SLC30A5: variants seen among roughly 807,000 people sequenced by gnomAD.
SLC30A5 encodes solute carrier family 30 member 5.
Under a neutral mutation model 79.6 loss-of-function variants are expected in SLC30A5, and 33 were observed. The observed-to-expected ratio is 0.41, with a 90% CI of 0.31 to 0.55. The LOEUF (loss-of-function observed/expected upper bound fraction) is 0.55, where lower values mean the gene tolerates loss of function less well. SLC30A5 is among the 20% of genes least tolerant of loss of function. The pLI, the probability that SLC30A5 is intolerant of heterozygous loss-of-function variation, is 0.20. For synonymous variants in SLC30A5, 299 were observed against 319.7 expected (o/e 0.94, Z 0.69); for missense variants, 788 against 928.1 (o/e 0.85, Z 1.96).
intron 7 of SLC30A5, among the ~76,000 whole-genome samples, chr5:69,114,823 C>T (rs1746320195): frequency 6.6e-6 from 1 of 152,104 alleles, no homozygotes; most frequent in African/African-American, 2.4e-5. Flanking sequence ...CAAGGTCGCG[C>T]TATTGCACTC....
At chr5:69,097,407 G>A (rs1745777993) in intron 1 of SLC30A5, among the ~76,000 whole-genome samples, 1 of 152,110 alleles carries the variant, frequency 6.6e-6, no homozygotes, top group Non-Finnish European at 1.5e-5. Flanking sequence ...GAGCCACTGC[G>A]CCCTGCTCTT....
Position 69,125,870 on chromosome 5 carries a change from CAAAAAAAA to C in SLC30A5, c.1999-2115_1999-2108del, listed in dbSNP as rs532994254. 3.3e-3 allele frequency among the ~76,000 whole-genome samples: 177 copies of C among 54,202 alleles called. 1 individual carries two copies. The highest frequency in any genetic ancestry group is 0.015 in the African/African-American group (166 of 11,330). 35.6% of individuals were successfully genotyped at this position (54,202 alleles called of 152,430 possible). On this transcript the variant is annotated intron_variant, in intron 14 of 15. Transcript: ENST00000396591. ...CGGGCCACAGAGCGAGACTCCGTCT[CAAAAAAAA>C]AAAAAAAAAAAAAAAAAATTAGCTG...
At position 69,104,130 on chromosome 5, in the gene SLC30A5, T is replaced by C. The variant is rs576969198; in HGVS notation, c.274-501T>C. On this transcript the variant is annotated intron_variant, in intron 3 of 15. Transcript: ENST00000396591. ...ATAGATAATGGAAAACAGAATACTG[T>C]CCTTTTTTTTTTTCTTTCTTTTTTT... 2.6e-3 allele frequency: 3,592 copies of C among 1,384,382 alleles called. 8 individuals are homozygous for C. Among genetic ancestry groups the C allele is most frequent in the Non-Finnish European group, 2.8e-3 (2,937 of 1,046,776 alleles). 85.8% of individuals were successfully genotyped at this position (1,384,382 alleles called of 1,614,324 possible). A position where few individuals can be genotyped will look rare whatever the true frequency, so the allele number is the denominator to read the frequency against.
intron 14 of SLC30A5, among the ~76,000 whole-genome samples, chr5:69,126,606 C>CA (rs1422332911): frequency 6.6e-6 from 1 of 151,774 alleles, no homozygotes; most frequent in Non-Finnish European, 1.5e-5. Flanking sequence ...ACTAAAACTA[C>CA]AAAAAATACA....
intron 1 of SLC30A5, among the ~76,000 whole-genome samples, chr5:69,096,372 C>G (rs1745731063): frequency 6.6e-6 from 1 of 152,104 alleles, no homozygotes; most frequent in East Asian, 1.9e-4. Context: ...GCTGTTTATT[C>G]AAGAGTGTAA....
In SLC30A5 at chr5:69,116,822, T is replaced by C. The variant is rs1269978353; in HGVS notation, c.1281+220T>C. 6.6e-6 allele frequency among the ~76,000 whole-genome samples: 1 copy of C among 152,186 alleles called. No individual in the cohort carries two copies. The highest frequency in any genetic ancestry group is 1.5e-5 in the Non-Finnish European group (1 of 68,024). The stretch of plus-strand genomic sequence containing the variant: ...TGCCCAGCCACTTAAGCAAACAATT[T>C]GTGAGGCATTTTAGAAGCATTGATT... On this transcript the variant is annotated intron_variant, in intron 10 of 15. Transcript: ENST00000396591. This position sits in a 1 kb window ranked among gnomAD's most constrained non-coding sequence, Gnocchi z 4.0.
chr5:69,115,456 A>G, intron 8 of SLC30A5, 49 bp downstream of exon 8: 1 of 1,447,464 alleles, frequency 6.9e-7, no homozygotes, highest in South Asian at 1.3e-5. Context: ...AGTAAAATGA[A>G]TTGCTATTAA....
chr5:69,126,810 A>ATAT (rs1554054424), intron 14 of SLC30A5, among the ~76,000 whole-genome samples: 80 of 148,900 alleles, frequency 5.4e-4, no homozygotes, highest in East Asian at 1.8e-3. Context: ...ACAACAACAA[A>ATAT]ATATATATAT....
chr5:69,100,695 G>A (rs1387565048), intron 1 of SLC30A5, 112 bp from the exon 2 acceptor site: 5 of 812,372 alleles, frequency 6.2e-6, no homozygotes, highest in Non-Finnish European at 1.9e-6. Context: ...TTCATTTTGT[G>A]TTTATGTATA....
chr5:69,125,638 A>G (rs1432740077), intron 14 of SLC30A5, among the ~76,000 whole-genome samples: 2 of 151,814 alleles, frequency 1.3e-5, no homozygotes, highest in East Asian at 3.9e-4. Flanking sequence ...GATTGAGACC[A>G]TCCTGGCTAA....
chr5:69,122,023 A>AAG (rs1424807613), intron 13 of SLC30A5, 128 bp downstream of exon 13: 2 of 661,700 alleles, frequency 3.0e-6, no homozygotes, highest in East Asian at 5.6e-5. Flanking sequence ...GACTAAAAGA[A>AAG]AGGTCTGAAG....
intron 13 of SLC30A5, 128 bp from the exon 14 acceptor site, chr5:69,123,071 T>G: frequency 1.7e-6 from 1 of 585,716 alleles, no homozygotes; most frequent in Non-Finnish European, 2.9e-6. Flanking sequence ...GTTTTAGGCA[T>G]TTTGAAGTAC....
Position 69,104,687 on chromosome 5 carries a change from T to C in SLC30A5, c.330T>C (p.Phe110=). Residue 110 remains phenylalanine (F), a synonymous_variant, in exon 4 of 16, where the codon TTT becomes TTC. Transcript: ENST00000396591. ...VAGCIISLLW[F]FGLTLCGPLR... Reference sequence around the variant, plus strand: ...GGTGTATTATTTCACTCTTGTGGTTTTTTGGCCTCACTCTTTGTGGACCAC... The same window carrying C: ...GGTGTATTATTTCACTCTTGTGGTTCTTTGGCCTCACTCTTTGTGGACCAC... The C allele has an allele frequency of 6.3e-7, 1 of 1,594,706 alleles. No homozygotes were observed. The highest frequency in any genetic ancestry group is 8.5e-7 in the Non-Finnish European group (1 of 1,173,002).
chr5:69,104,663 G>T lies in SLC30A5; in HGVS notation c.306G>T (p.Gly102=), dbSNP rs1746032813. The change falls in exon 4 of 16, where the codon GGG becomes GGT. Residue 102 remains glycine (G), a synonymous_variant. Coordinates refer to ENST00000396591, the MANE Select transcript of SLC30A5 (RefSeq NM_022902.5). ...AAATATTTAAACATGCAGTTGCTGGGTGTATTATTTCACTCTTGTGGTTTT... is the reference window on the plus strand; with the variant it reads ...AAATATTTAAACATGCAGTTGCTGGTTGTATTATTTCACTCTTGTGGTTTT... ...WIKIFKHAVA[G]CIISLLWFFG... 6.4e-7 allele frequency: 1 copy of T among 1,558,434 alleles called. No homozygotes were observed. The highest frequency in any genetic ancestry group is 8.7e-7 in the Non-Finnish European group (1 of 1,155,570).
intron 12 of SLC30A5, 93 bp downstream of exon 12, chr5:69,118,721 G>A: frequency 9.2e-7 from 1 of 1,081,234 alleles, no homozygotes; most frequent in Non-Finnish European, 1.3e-6. Context: ...ATTGCTCTAA[G>A]AAGGTTTTAT....
At chr5:69,129,409 A>T in intron 15 of SLC30A5, 38 bp from the exon 16 acceptor site, 1 of 1,514,228 alleles carries the variant, frequency 6.6e-7, no homozygotes, top group East Asian at 2.3e-5. Context: ...TAAATGCATT[A>T]CTCTAAATGC....
intron 1 of SLC30A5, among the ~76,000 whole-genome samples, chr5:69,096,952 C>T (rs1745750146): frequency 6.6e-6 from 1 of 150,474 alleles, no homozygotes; most frequent in Admixed American, 6.7e-5. Flanking sequence ...AGTGCAAAAC[C>T]CTGCCCCGCC....
intron 8 of SLC30A5, 99 bp from the exon 9 acceptor site, chr5:69,115,827 C>T: frequency 1.0e-6 from 1 of 988,686 alleles, no homozygotes; most frequent in Non-Finnish European, 1.5e-6. Context: ...CATATTGAAT[C>T]ATGCGATTTT....
chr5:69,124,493 A>G (rs1399240705), intron 14 of SLC30A5, among the ~76,000 whole-genome samples: 2 of 152,210 alleles, frequency 1.3e-5, no homozygotes, highest in African/African-American at 4.8e-5. Flanking sequence ...CTATATCTCT[A>G]TACCATATTA....
Sources: gnomAD v4.1 joint callset for allele counts (sites outside exome capture counted in the v4.1 genomes callset) on GRCh38, gnomAD v4.1.1 for gene constraint, Gnocchi (gnomAD v3.1) non-coding constraint, MANE v1.5 for transcripts, NCBI Gene and HGNC (gene_info 2026-07-23, HGNC 2026-07-21) for gene names.